Variants in CNGB1 observed in about 807,000 individuals in gnomAD.
The protein encoded by CNGB1 is cyclic nucleotide-gated channel beta-1.
In CNGB1, 126 loss-of-function variants were observed where a neutral mutation model predicts 151.7. That is an observed-to-expected ratio of 0.83 (90% confidence interval 0.72 to 0.96). The LOEUF (loss-of-function observed/expected upper bound fraction) is 0.96. CNGB1 is among the 40% of genes least tolerant of loss of function. The pLI is 0.00. For synonymous variants in CNGB1, 623 were observed against 635.1 expected, an observed-to-expected ratio of 0.98 and a Z score of 0.29; for missense variants, 1,698 against 1,627.0, an observed-to-expected ratio of 1.04 and a Z score of -0.75.
At position 57,934,013 on chromosome 16, in the gene CNGB1, G is replaced by A. The variant is rs562059068; in HGVS notation, c.1373-2135C>T. 1.5e-3 allele frequency among the ~76,000 whole-genome samples: 229 copies of A among 151,894 alleles called. 2 individuals are homozygous for A. The highest frequency in any genetic ancestry group is 2.1e-3 in the Non-Finnish European group (141 of 67,952). On this transcript the variant is annotated intron_variant, in intron 16 of 32. Transcript: ENST00000251102. Reference sequence around the variant, plus strand: ...GCTGGGATTACAGGCATGAGCCACCGCACCCAGCCGATATGGGGTTTTTTT... The same window carrying A: ...GCTGGGATTACAGGCATGAGCCACCACACCCAGCCGATATGGGGTTTTTTT...
intron 25 of CNGB1, among the ~76,000 whole-genome samples, chr16:57,906,486 T>C (rs1596965710): frequency 6.6e-6 from 1 of 151,200 alleles, no homozygotes; most frequent in Non-Finnish European, 1.5e-5. Context: ...TGCTGGGGAG[T>C]GTGGTAGGGG....
In CNGB1 at chr16:57,950,436, T is replaced by C; in HGVS notation, c.979A>G (p.Thr327Ala). 1 of 1,614,260 alleles carries C rather than the reference T, an allele frequency of 6.2e-7. No homozygotes were observed. Among genetic ancestry groups the C allele is most frequent in the Non-Finnish European group, 8.5e-7 (1 of 1,180,042 alleles). ...TCTTCATAAGCTGGAACCACCTCTGTACCCTGTGGGCTGGTACTGACATCC... is the reference window on the plus strand; with the variant it reads ...TCTTCATAAGCTGGAACCACCTCTGCACCCTGTGGGCTGGTACTGACATCC... ...HQDVSTSPQG[T>A]EVVPAYEEEN... The change falls in exon 13 of 33, where the codon ACA (threonine) becomes GCA (alanine). Residue 327 changes from threonine to alanine, a missense_variant. Coordinates refer to ENST00000251102, the MANE Select transcript of CNGB1 (RefSeq NM_001297.5).
chr16:57,960,084 A>G lies in CNGB1; in HGVS notation c.584-19T>C, dbSNP rs748640095. Reference sequence around the variant, plus strand: ...GGAGGCGCTAAGCAGCGGGGAAAGCAGGAGCTAGAGACGCCATCCCTTGAG... The same window carrying G: ...GGAGGCGCTAAGCAGCGGGGAAAGCGGGAGCTAGAGACGCCATCCCTTGAG... On this transcript the variant is annotated intron_variant, in intron 9 of 32. Coordinates refer to ENST00000251102, the MANE Select transcript of CNGB1 (RefSeq NM_001297.5). The G allele has an allele frequency of 7.8e-6, 12 of 1,542,074 alleles. No homozygotes were observed. The African/African-American group carries it at 1.6e-4, about 21-fold the overall frequency.
chr16:57,929,194 G>T (rs942597450), intron 17 of CNGB1, among the ~76,000 whole-genome samples: 1 of 152,146 alleles, frequency 6.6e-6, no homozygotes, highest in South Asian at 2.1e-4. Flanking sequence ...AACTCGAATA[G>T]ACATTTCTCC....
Position 57,960,332 on chromosome 16 carries a change from G to A in CNGB1, c.583+150C>T, listed in dbSNP as rs571736933. ...CTGGGGAGGGGATTCTGGTGTCCCC[G>A]CCAACAGCCTGCTCCAGGCAAGCCC... On this transcript the variant is annotated intron_variant, in intron 9 of 32. Transcript: ENST00000251102. 3.9e-5 allele frequency: 47 copies of A among 1,192,478 alleles called. No individual in the cohort carries two copies. In the African/African-American group the frequency reaches 5.0e-4, roughly 13 times the overall value. The allele number at this position is 1,192,478 out of a possible 1,614,324, so 73.9% of individuals were successfully genotyped here.
At position 57,960,904 on chromosome 16, in the gene CNGB1, C is replaced by G; in HGVS notation, c.470G>C (p.Arg157Pro). The change falls in exon 8 of 33, where the codon CGG becomes CCG. Residue 157 changes from arginine (R) to proline (P), a missense_variant. By Grantham distance (103) the Arg-to-Pro change is moderately radical. Transcript: ENST00000251102. ...ATTCTGCTCCAGCCACAGAAGCAGCCGCAGCCCAGGCCTGCAGAGGGGCCA... is the reference window on the plus strand; with the variant it reads ...ATTCTGCTCCAGCCACAGAAGCAGCGGCAGCCCAGGCCTGCAGAGGGGCCA... ...LEAQDTRPGL[R>P]LLLWLEQNLE... The G allele has an allele frequency of 6.2e-7, 1 of 1,614,146 alleles. No homozygotes were observed. The highest frequency in any genetic ancestry group is 8.5e-7 in the Non-Finnish European group (1 of 1,180,010).
chr16:57,934,655 A>G (rs1961455098), intron 16 of CNGB1, among the ~76,000 whole-genome samples: 2 of 151,732 alleles, frequency 1.3e-5, no homozygotes, highest in South Asian at 2.1e-4. Context: ...AGTATAACCT[A>G]GAATAAGAAT....
intron 29 of CNGB1, among the ~76,000 whole-genome samples, chr16:57,898,977 A>G (rs1285114913): frequency 6.6e-6 from 1 of 152,132 alleles, no homozygotes; most frequent in Non-Finnish European, 1.5e-5. Flanking sequence ...ATCCAATATG[A>G]CTGGTGTCCT....
At chr16:57,951,875 C>G (rs1240259764) in intron 12 of CNGB1, among the ~76,000 whole-genome samples, 1 of 152,208 alleles carries the variant, frequency 6.6e-6, no homozygotes, top group Admixed American at 6.5e-5. Context: ...ATCCCTGTTT[C>G]ACAGATGAGG....
At position 57,963,089 on chromosome 16, in the gene CNGB1, C is replaced by T. The variant is rs760253074; in HGVS notation, c.291-25G>A. ...ACTGCGATGGACAGAGACACCAGCC[C>T]GCCCTCAACTTCCCCTAGCTCAATG... On this transcript the variant is annotated intron_variant, in intron 4 of 32. Transcript: ENST00000251102. 1.4e-5 allele frequency: 22 copies of T among 1,568,130 alleles called. 1 individual carries two copies. The highest frequency in any genetic ancestry group is 6.7e-5 in the Admixed American group (4 of 59,970).
rs568708198 is a variant in CNGB1 at position 57,931,433 on chromosome 16, G to C, written c.1535+283C>G. ...GCCTCGCAAAGCGCTGGCATTACAG[G>C]CAGTAGCCACCGTGCCTCGCTATTA... is the stretch of plus-strand genomic sequence containing the variant. On this transcript the variant is annotated intron_variant, in intron 17 of 32. Coordinates refer to ENST00000251102, the MANE Select transcript of CNGB1 (RefSeq NM_001297.5). Among the ~76,000 whole-genome samples the C allele has an allele frequency of 3.3e-4, 50 of 152,256 alleles. 1 individual carries two copies. The highest frequency in any genetic ancestry group is 3.4e-3 in the Middle Eastern group (1 of 294).
chr16:57,964,440 G>T, intron 3 of CNGB1, 47 bp downstream of exon 3: 4 of 1,607,466 alleles, frequency 2.5e-6, no homozygotes, highest in Non-Finnish European at 3.4e-6. Flanking sequence ...AGGGGAGAAT[G>T]CGGGCCCCCC....
intron 4 of CNGB1, among the ~76,000 whole-genome samples, chr16:57,963,418 C>A (rs1597015702): frequency 6.6e-6 from 1 of 152,218 alleles, no homozygotes; most frequent in African/African-American, 2.4e-5. Context: ...TAGGACAGAG[C>A]AGCTGACTTC....
At position 57,954,854 on chromosome 16, in the gene CNGB1, G is replaced by A. The variant is rs760364136; in HGVS notation, c.874+2487C>T. 387 of 999,446 alleles carry A rather than the reference G, an allele frequency of 3.9e-4. 1 individual carries two copies. The highest frequency in any genetic ancestry group is 4.4e-4 in the Non-Finnish European group (367 of 838,544). 61.9% of individuals were successfully genotyped at this position (999,446 alleles called of 1,614,324 possible). On this transcript the variant is annotated intron_variant, in intron 12 of 32. Transcript: ENST00000251102. Reference sequence around the variant, plus strand: ...GTACCACACTGGGGGCTGTGCACGCGTCCTCTCAAAGAGATGCTCAATACT... The same window carrying A: ...GTACCACACTGGGGGCTGTGCACGCATCCTCTCAAAGAGATGCTCAATACT...
chr16:57,888,757 C>CT (rs11436122), intron 31 of CNGB1, among the ~76,000 whole-genome samples: 31,692 of 151,822 alleles, frequency 0.21, 4,276 homozygotes, highest in African/African-American at 0.39. Flanking sequence ...TGGCCTCTTT[C>CT]TTTTTTTTAA....
chr16:57,887,914 G>A lies in CNGB1; in HGVS notation c.3403C>T (p.Arg1135Trp), dbSNP rs753974570. The stretch of plus-strand genomic sequence containing the variant: ...TCCAGCGCGGCCAGTTCTTTGAGCC[G>A]GGCCCGGAGGTGAGCAAGTTTGCCG... ...KGGKLAHLRA[R>W]LKELAALEAA... is the part of the protein sequence containing the mutation. The change falls in exon 32 of 33, where the codon CGG becomes TGG. Residue 1135 changes from arginine (R) to tryptophan (W), a missense_variant. Physicochemically the swap from Arg to Trp is moderately radical, Grantham distance 101. Coordinates refer to ENST00000251102, the MANE Select transcript of CNGB1 (RefSeq NM_001297.5). The A allele has an allele frequency of 1.9e-5, 30 of 1,614,032 alleles. No individual in the cohort carries two copies. The highest frequency in any genetic ancestry group is 7.7e-5 in the South Asian group (7 of 91,078).
chr16:57,897,986 C>T (rs972965108), intron 29 of CNGB1, 72 bp from the exon 30 acceptor site: 3 of 1,533,910 alleles, frequency 2.0e-6, no homozygotes, highest in Non-Finnish European at 2.7e-6. Context: ...GGGCTGGATC[C>T]AGAGGCTGGA....
rs750044654 is a variant in CNGB1, at chr16:57,911,767, A to G, written c.2478T>C (p.Asp826=). The G allele has an allele frequency of 1.9e-6, 3 of 1,614,058 alleles. No individual in the cohort carries two copies. The highest frequency in any genetic ancestry group is 2.5e-6 in the Non-Finnish European group (3 of 1,179,934). Residue 826 remains aspartate, a synonymous_variant, in exon 25 of 33, where the codon GAT becomes GAC. Coordinates refer to ENST00000251102, the MANE Select transcript of CNGB1 (RefSeq NM_001297.5). ...QGLGSTHWVY[D]GVGNSYIRCY... ...CTGTGGCTCACCTGTTTCCCACGCCATCGTAAACCCAGTGAGTGGAGCCGA... is the reference window on the plus strand; with the variant it reads ...CTGTGGCTCACCTGTTTCCCACGCCGTCGTAAACCCAGTGAGTGGAGCCGA...
chr16:57,940,211 C>A, intron 15 of CNGB1, 23 bp downstream of exon 15: 2 of 1,552,794 alleles, frequency 1.3e-6, no homozygotes, highest in Non-Finnish European at 1.7e-6. Flanking sequence ...CTCAGAGGTG[C>A]CAGTGCCTGG....
Sources: gnomAD v4.1 joint callset for allele counts (sites outside exome capture counted in the v4.1 genomes callset) on GRCh38, gnomAD v4.1.1 for gene constraint, MANE v1.5 for transcripts, NCBI Gene and HGNC (gene_info 2026-07-23, HGNC 2026-07-21) for gene names.